Variants in SAP130 observed in about 807,000 individuals in gnomAD.
SAP130 encodes the protein Sin3A associated protein 130.
Under a neutral mutation model 103.2 loss-of-function variants are expected in SAP130, and 16 were observed. That is an observed-to-expected ratio of 0.16 (90% CI 0.10 to 0.24). The LOEUF is 0.24. Ranked by LOEUF, SAP130 falls within the 10% of genes least tolerant of loss-of-function variation. The pLI, the probability that SAP130 is intolerant of heterozygous loss-of-function variation, is 1.00. For missense variants in SAP130, 990 were observed against 1,359.7 expected (o/e 0.73, Z 4.28); for synonymous variants, 477 against 497.0 (o/e 0.96, Z 0.53).
intron 15 of SAP130, among the ~76,000 whole-genome samples, chr2:127,958,312 G>T (rs1315663005): frequency 2.0e-5 from 3 of 152,202 alleles, no homozygotes; most frequent in Non-Finnish European, 4.4e-5. Flanking sequence ...TACTCAGGAG[G>T]CTGAGGCAGA....
chr2:127,996,675 G>C lies in SAP130; in HGVS notation c.1214-184C>G, dbSNP rs1683197831. On this transcript the variant is annotated intron_variant, in intron 10 of 20. Transcript: ENST00000643581. This position sits in a 1 kb window ranked among gnomAD's most constrained non-coding sequence, Gnocchi z 4.3. ...AATTATTTCAATCCTATCATTCACT[G>C]ATATACTCCTACTGTTATTAAAGCA... Among the ~76,000 whole-genome samples the C allele has an allele frequency of 6.6e-6, 1 of 152,170 alleles. No individual in the cohort carries two copies. Among genetic ancestry groups the C allele is most frequent in the Non-Finnish European group, 1.5e-5 (1 of 68,032 alleles).
At position 127,942,489 on chromosome 2, in the gene SAP130, C is replaced by T; in HGVS notation, c.2950G>A (p.Gly984Arg). ...VYERLTNLQE[G>R]IIPKKKAATD... The stretch of plus-strand genomic sequence containing the variant: ...GCTGCTTTTTTCTTTGGGATAATCC[C>T]TTCCTGCAGGTTAGTAAGTCTTTCA... The change falls in exon 20 of 21, where the codon GGG (glycine) becomes AGG (arginine). Residue 984 changes from glycine to arginine, a missense_variant. By Grantham distance (125) the Gly-to-Arg change is moderately radical. Coordinates refer to ENST00000643581, the MANE Select transcript of SAP130 (RefSeq NM_001330301.2). The surrounding 1 kb of genome is among the most constrained non-coding windows in gnomAD (Gnocchi z 4.8). 2 of 1,613,902 alleles carry T rather than the reference C, an allele frequency of 1.2e-6. No homozygotes were observed. Among genetic ancestry groups the T allele is most frequent in the Non-Finnish European group, 1.7e-6 (2 of 1,179,808 alleles).
chr2:128,026,440 G>A, intron 1 of SAP130, 142 bp from the exon 2 acceptor site: 1 of 608,772 alleles, frequency 1.6e-6, no homozygotes, highest in Non-Finnish European at 3.0e-6. Flanking sequence ...AATAACTTGG[G>A]ATCAATATAA....
At chr2:128,012,450 A>G (rs141336221) in intron 6 of SAP130, among the ~76,000 whole-genome samples, 12,739 of 152,166 alleles carry the variant, frequency 0.084, 990 homozygotes, top group African/African-American at 0.2. Context: ...AGCCTGGGCA[A>G]CAGAGTGAGA....
chr2:128,024,249 C>T (rs1027477701), intron 2 of SAP130, among the ~76,000 whole-genome samples: 5 of 151,438 alleles, frequency 3.3e-5, no homozygotes, highest in African/African-American at 7.3e-5. Flanking sequence ...GAGGCCTAGG[C>T]GGGAGGATTC....
chr2:128,002,317 G>A (rs1472235487), intron 7 of SAP130, among the ~76,000 whole-genome samples: 1 of 152,066 alleles, frequency 6.6e-6, no homozygotes, highest in African/African-American at 2.4e-5. Flanking sequence ...TGAGGCAAGT[G>A]GATCAAGTTC....
chr2:128,016,688 T>C (rs1447481036), intron 3 of SAP130, 141 bp from the exon 4 acceptor site: 1 of 871,146 alleles, frequency 1.1e-6, no homozygotes, highest in Non-Finnish European at 1.7e-6. Context: ...TCTATTATCA[T>C]CACAGTGTTT....
intron 15 of SAP130, among the ~76,000 whole-genome samples, chr2:127,964,976 G>A (rs1680545952): frequency 7.3e-6 from 1 of 136,104 alleles, no homozygotes; most frequent in Non-Finnish European, 1.6e-5. Flanking sequence ...TCCAGCCTGG[G>A]TGACAGAATG....
chr2:127,959,098 T>C (rs1680051838), intron 15 of SAP130, among the ~76,000 whole-genome samples: 2 of 152,104 alleles, frequency 1.3e-5, no homozygotes, highest in South Asian at 4.1e-4. Flanking sequence ...GTGTTATATA[T>C]AAACCAAGCA....
chr2:127,977,212 C>T (rs1398535035), intron 15 of SAP130, among the ~76,000 whole-genome samples: 1 of 151,660 alleles, frequency 6.6e-6, no homozygotes, highest in South Asian at 2.1e-4. Context: ...TCATAAGGCC[C>T]GGCATGGTGG....
rs1387160140 is a variant in SAP130 at position 128,016,612 on chromosome 2, A to T, written c.349-65T>A. ...ATACTGGTGATGCATTTCAATCCAC[A>T]ATTAAGAGTGCACAAATCGAACCTG... On this transcript the variant is annotated intron_variant, in intron 3 of 20. Coordinates refer to ENST00000643581, the MANE Select transcript of SAP130 (RefSeq NM_001330301.2). The T allele has an allele frequency of 2.0e-6, 3 of 1,521,038 alleles. No homozygotes were observed. In the Admixed American group the frequency reaches 6.2e-5, roughly 32 times the overall value. 94.2% of individuals were successfully genotyped at this position (1,521,038 alleles called of 1,614,324 possible).
chr2:127,989,185 A>C lies in SAP130; in HGVS notation c.1780+379T>G, dbSNP rs1365610972. On this transcript the variant is annotated intron_variant, in intron 13 of 20. Coordinates refer to ENST00000643581, the MANE Select transcript of SAP130 (RefSeq NM_001330301.2). The surrounding 1 kb of genome is among the most constrained non-coding windows in gnomAD (Gnocchi z 4.6). Reference sequence around the variant, plus strand: ...GTGATCTCGGCTCACTGCAAGCTCCACATCCCCAGTTCACGCCATTCTCTC... The same window carrying C: ...GTGATCTCGGCTCACTGCAAGCTCCCCATCCCCAGTTCACGCCATTCTCTC... Among the ~76,000 whole-genome samples the C allele has an allele frequency of 6.6e-6, 1 of 151,066 alleles. No individual in the cohort carries two copies. The highest frequency in any genetic ancestry group is 6.6e-5 in the Admixed American group (1 of 15,148).
chr2:127,982,985 G>A (rs1682061233), intron 14 of SAP130, among the ~76,000 whole-genome samples: 1 of 152,210 alleles, frequency 6.6e-6, no homozygotes, highest in Admixed American at 6.5e-5. Flanking sequence ...CTGAGCTTAT[G>A]TGCTAAGTGC....
rs60153840 is a variant in SAP130 at position 127,983,846 on chromosome 2, T to TTTTTTTTTTTTTTTTTTTTA, written c.1958+2938_1958+2939insTAAAAAAAAAAAAAAAAAAA. Among the ~76,000 whole-genome samples the TTTTTTTTTTTTTTTTTTTTA allele has an allele frequency of 3.7e-5, 2 of 54,314 alleles. 1 individual carries two copies. The highest frequency in any genetic ancestry group is 1.4e-4 in the African/African-American group (2 of 14,718). The allele number at this position is 54,314 out of a possible 152,430, so 35.6% of individuals were successfully genotyped here. On this transcript the variant is annotated intron_variant, in intron 14 of 20. Coordinates refer to ENST00000643581, the MANE Select transcript of SAP130 (RefSeq NM_001330301.2). Reference sequence around the variant, plus strand: ...TTGTTTTTTTTTTTTTTTTTTTTTTTAAACATTTATCTATGTATTCAGAAT... The same window carrying TTTTTTTTTTTTTTTTTTTTA: ...TTGTTTTTTTTTTTTTTTTTTTTTTTTTTTTTTTTTTTTTTTTTTAAAACATTTATCTATGTATTCAGAAT...
At chr2:128,005,309 T>TA (rs889913868) in intron 7 of SAP130, among the ~76,000 whole-genome samples, 5 of 151,984 alleles carry the variant, frequency 3.3e-5, no homozygotes, top group African/African-American at 7.3e-5. Context: ...AGGGAACAGT[T>TA]AAAAAAATTA....
intron 15 of SAP130, among the ~76,000 whole-genome samples, chr2:127,957,363 T>C (rs936853807): frequency 1.3e-5 from 2 of 152,154 alleles, no homozygotes; most frequent in Admixed American, 6.6e-5. Context: ...GAGTCTGAAC[T>C]GTATATTTGA....
intron 2 of SAP130, among the ~76,000 whole-genome samples, chr2:128,025,559 T>C (rs1685444841): frequency 6.6e-6 from 1 of 152,220 alleles, no homozygotes; most frequent in Admixed American, 6.5e-5. Context: ...ACTAAGCACA[T>C]ACAGACTTTT....
At chr2:128,003,175 A>G (rs535502518) in intron 7 of SAP130, among the ~76,000 whole-genome samples, 1 of 151,922 alleles carries the variant, frequency 6.6e-6, no homozygotes, top group East Asian at 2.0e-4. Context: ...CACTAGCCCA[A>G]TTTGGGGCAC....
At chr2:128,001,722 A>T (rs913544212) in intron 7 of SAP130, among the ~76,000 whole-genome samples, 1 of 152,186 alleles carries the variant, frequency 6.6e-6, no homozygotes, top group Admixed American at 6.5e-5. Flanking sequence ...TGTAGTAGGT[A>T]ACACCATCTA....
Sources: allele counts gnomAD v4.1 joint callset (sites outside exome capture counted in the v4.1 genomes callset), GRCh38; gene constraint gnomAD v4.1.1; non-coding constraint Gnocchi (gnomAD v3.1); transcripts MANE v1.5; gene names NCBI Gene and HGNC (gene_info 2026-07-23, HGNC 2026-07-21).